F13B: variants seen among roughly 807,000 people sequenced by gnomAD.
F13B encodes TGase.
Under a neutral mutation model 79.8 loss-of-function variants are expected in F13B, and 58 were observed. The observed-to-expected ratio is 0.73, with a 90% CI of 0.59 to 0.90. F13B has a LOEUF of 0.90. F13B is among the 40% of genes least tolerant of loss of function. The pLI, the probability that F13B is intolerant of heterozygous loss-of-function variation, is 0.00. For missense variants in F13B, 773 were observed against 777.0 expected, an observed-to-expected ratio of 0.99 and a Z score of 0.06; for synonymous variants, 283 against 260.3, an observed-to-expected ratio of 1.09 and a Z score of -0.84.
rs376711158 is a variant in F13B at position 197,067,135 on chromosome 1, A to G, written c.64+25T>C. 2.5e-5 allele frequency: 34 copies of G among 1,379,276 alleles called. No individual in the cohort carries two copies. In the African/African-American group the frequency reaches 2.8e-4, roughly 12 times the overall value. The allele number at this position is 1,379,276 out of a possible 1,614,324, so 85.4% of individuals were successfully genotyped here. A position where few individuals can be genotyped will look rare whatever the true frequency, so the allele number is the denominator to read the frequency against. ...TCTCCATTTGTATGTTTTAGAGAAT[A>G]AAGAATATTAAGAATTAATTTTACC... On this transcript the variant is annotated intron_variant, in intron 1 of 11. Transcript: ENST00000367412.
chr1:197,048,846 G>A (rs865071), intron 10 of F13B, among the ~76,000 whole-genome samples: 118,496 of 151,620 alleles, frequency 0.78, 49,629 homozygotes, highest in East Asian at 1. Flanking sequence ...TGAAAAGAAC[G>A]TTTACCTAAA....
chr1:197,054,615 T>A (rs970967434), intron 8 of F13B, among the ~76,000 whole-genome samples: 24 of 151,736 alleles, frequency 1.6e-4, no homozygotes, highest in Non-Finnish European at 2.7e-4. Context: ...TATGAAAAAA[T>A]GGCTAAACTA....
chr1:197,061,756 C>A (rs773819748), intron 3 of F13B, 28 bp downstream of exon 3: 1 of 1,591,738 alleles, frequency 6.3e-7, no homozygotes, highest in South Asian at 1.1e-5. Context: ...AAGCACTTAT[C>A]TTCAGTTTTA....
chr1:197,063,350 G>C (rs1412755961), intron 1 of F13B, among the ~76,000 whole-genome samples: 1 of 151,872 alleles, frequency 6.6e-6, no homozygotes, highest in African/African-American at 2.4e-5. Context: ...CCTAGACACA[G>C]AGTCTTCCTC....
At position 197,050,731 on chromosome 1, in the gene F13B, TA is replaced by T; in HGVS notation, c.1703del (p.Leu568Ter). 6.2e-7 allele frequency: 1 copy of T among 1,613,326 alleles called. No individual in the cohort carries two copies. Among genetic ancestry groups the T allele is most frequent in the Non-Finnish European group, 8.5e-7 (1 of 1,179,582 alleles). ...ATGGTGGTGTAGTCCACATTCCATC[TA>T]AACAATAGGCCTCCCTAGATCCTTC... ...FLEGSREAYC[L>X]DGMWTTPPLC... On this transcript the variant is annotated frameshift_variant, in exon 10 of 12. Coordinates refer to ENST00000367412, the MANE Select transcript of F13B (RefSeq NM_001994.3). LOFTEE classifies it high-confidence loss of function.
At chr1:197,066,476 A>G (rs1656052808) in intron 1 of F13B, among the ~76,000 whole-genome samples, 1 of 152,126 alleles carries the variant, frequency 6.6e-6, no homozygotes, top group Admixed American at 6.6e-5. Context: ...CCACTCGCAC[A>G]CTAATCTTAC....
rs1258798497 is a variant in F13B at position 197,063,063 on chromosome 1, A to G, written c.65-6T>C. 6.2e-7 allele frequency: 1 copy of G among 1,606,542 alleles called. No individual in the cohort carries two copies. Among genetic ancestry groups the G allele is most frequent in the Non-Finnish European group, 8.5e-7 (1 of 1,175,102 alleles). On this transcript the variant is annotated splice_region_variant and splice_polypyrimidine_tract_variant and intron_variant, in intron 1 of 11. Coordinates refer to ENST00000367412, the MANE Select transcript of F13B (RefSeq NM_001994.3). ...AGGAAAACCACAGGGTTTCTCTGAAATGAGTAAATGTCAAGCTGAAAATGG... is the reference window on the plus strand; with the variant it reads ...AGGAAAACCACAGGGTTTCTCTGAAGTGAGTAAATGTCAAGCTGAAAATGG...
intron 10 of F13B, among the ~76,000 whole-genome samples, chr1:197,049,332 G>C (rs17549720): frequency 1.3e-5 from 2 of 151,798 alleles, no homozygotes; most frequent in African/African-American, 4.8e-5. Flanking sequence ...TTGGTTTTTT[G>C]AAAACACTAA....
chr1:197,066,199 G>C (rs900166854), intron 1 of F13B, among the ~76,000 whole-genome samples: 10 of 152,024 alleles, frequency 6.6e-5, no homozygotes, highest in African/African-American at 1.9e-4. Context: ...GATTAATTCT[G>C]TGTCTTTCAC....
chr1:197,064,748 T>C (rs1440986953), intron 1 of F13B, among the ~76,000 whole-genome samples: 1 of 152,090 alleles, frequency 6.6e-6, no homozygotes, highest in Non-Finnish European at 1.5e-5. Flanking sequence ...AAAACATATA[T>C]TTTAAAAATA....
intron 10 of F13B, among the ~76,000 whole-genome samples, chr1:197,049,704 G>A (rs1278884548): frequency 6.6e-6 from 1 of 151,976 alleles, no homozygotes; most frequent in African/African-American, 2.4e-5. Flanking sequence ...CATGGGATGA[G>A]GTCAGCACAG....
Position 197,057,367 on chromosome 1 carries a change from A to G in F13B, c.904T>C (p.Cys302Arg). 6.2e-7 allele frequency: 1 copy of G among 1,613,976 alleles called. No individual in the cohort carries two copies. Among genetic ancestry groups the G allele is most frequent in the Non-Finnish European group, 8.5e-7 (1 of 1,179,922 alleles). Residue 302 changes from cysteine (C) to arginine (R), a missense_variant, in exon 6 of 12, where the codon TGT becomes CGT. Cys to Arg is a radical substitution (Grantham distance 180). Coordinates refer to ENST00000367412, the MANE Select transcript of F13B (RefSeq NM_001994.3). ...YRHGEIVHIE[C>R]ELNFEIHGSA... ...CCATGGATCTCAAAATTAAGTTCAC[A>G]TTCTATATGAACTATTTCTCCATGA...
chr1:197,060,100 A>G (rs1655797455), intron 5 of F13B, among the ~76,000 whole-genome samples: 1 of 152,086 alleles, frequency 6.6e-6, no homozygotes, highest in African/African-American at 2.4e-5. Flanking sequence ...ATTCGTTATA[A>G]TAAGGGATTT....
chr1:197,061,706 A>G (rs1259379728), intron 3 of F13B, 78 bp downstream of exon 3: 2 of 1,129,492 alleles, frequency 1.8e-6, no homozygotes, highest in Non-Finnish European at 2.6e-6. Context: ...TAAATAATAG[A>G]TATCAATATA....
chr1:197,044,003 G>A (rs1655133447), intron 10 of F13B, among the ~76,000 whole-genome samples: 1 of 151,784 alleles, frequency 6.6e-6, no homozygotes. Context: ...GGGAGCTGCA[G>A]ACCGGAGCTG....
chr1:197,055,719 G>T lies in F13B; in HGVS notation c.1350C>A (p.Cys450Ter). The change falls in exon 8 of 12, where the codon TGC becomes TGA. Residue 450 changes from cysteine to a stop codon, truncating the protein, a stop_gained. Transcript: ENST00000367412. LOFTEE classifies it high-confidence loss of function. ...EQGKWSSPPV[C>*]LEPCTVNVDY... is the part of the protein sequence containing the mutation. The stretch of plus-strand genomic sequence containing the variant: ...TCCATGTGTTCTCTTTCTTACCCAA[G>T]CAAACAGGTGGGGATGACCATTTTC... 1 of 1,613,316 alleles carries T rather than the reference G, an allele frequency of 6.2e-7. No homozygotes were observed. The highest frequency in any genetic ancestry group is 8.5e-7 in the Non-Finnish European group (1 of 1,179,576).
In F13B at chr1:197,055,890, A is replaced by T. The variant is rs1655624116; in HGVS notation, c.1179T>A (p.Asn393Lys). ...WTLPPECVEN[N>K]ENCKHPPVVM... ...CAACAGGAGGATGCTTACAATTCTC[A>T]TTATTTTCTAAGAAAAGAGGTTGTT... Residue 393 changes from asparagine (N) to lysine (K), a missense_variant, in exon 8 of 12, where the codon AAT becomes AAA. Physicochemically the swap from Asn to Lys is moderately conservative, Grantham distance 94. Transcript: ENST00000367412. 11 of 1,613,072 alleles carry T rather than the reference A, an allele frequency of 6.8e-6. No homozygotes were observed. The highest frequency in any genetic ancestry group is 9.3e-6 in the Non-Finnish European group (11 of 1,179,478).
In F13B at chr1:197,057,316, C is replaced by T; in HGVS notation, c.955G>A (p.Gly319Arg). ...CATTTTGGAGGTTCTGTCCATTTTC[C>T]ATCTTCACAACGTATTTCTGCTGAC... is the stretch of plus-strand genomic sequence containing the variant. Reference protein sequence around the residue: ...HGSAEIRCEDGKWTEPPKCIE... With the variant: ...HGSAEIRCEDRKWTEPPKCIE... Residue 319 changes from glycine (G) to arginine (R), a missense_variant, in exon 6 of 12, where the codon GGA becomes AGA. Gly to Arg is a moderately radical substitution (Grantham distance 125). Transcript: ENST00000367412. The T allele has an allele frequency of 1.9e-6, 3 of 1,613,884 alleles. No individual in the cohort carries two copies. The highest frequency in any genetic ancestry group is 8.5e-7 in the Non-Finnish European group (1 of 1,179,916).
intron 10 of F13B, among the ~76,000 whole-genome samples, chr1:197,048,245 T>C (rs1362500901): frequency 6.6e-6 from 1 of 151,696 alleles, no homozygotes; most frequent in African/African-American, 2.4e-5. Flanking sequence ...ACACCTAGTA[T>C]AGAAAGTTGG....
Sources: gnomAD v4.1 joint callset for allele counts (sites outside exome capture counted in the v4.1 genomes callset) on GRCh38, gnomAD v4.1.1 for gene constraint, MANE v1.5 for transcripts, NCBI Gene and HGNC (gene_info 2026-07-23, HGNC 2026-07-21) for gene names.